ADAM28: variants seen among roughly 807,000 people sequenced by gnomAD.
ADAM28 encodes ADAM metallopeptidase domain 28.
Under a neutral mutation model 101.2 loss-of-function variants are expected in ADAM28, and 105 were observed. The ratio of observed to expected loss-of-function variants is 1.04; its 90% CI spans 0.89 to 1.22. The LOEUF (loss-of-function observed/expected upper bound fraction) is 1.22, where lower values mean the gene tolerates loss of function less well. Ranked by LOEUF, ADAM28 falls within the 50% of genes most tolerant of loss-of-function variation. ADAM28 has a pLI of 0.00. For missense variants in ADAM28, 1,028 were observed against 945.4 expected (o/e 1.09, Z -1.15); for synonymous variants, 322 against 310.6 (o/e 1.04, Z -0.39).
chr8:24,339,928 T>C (rs1170432372), intron 15 of ADAM28, among the ~76,000 whole-genome samples: 3 of 152,138 alleles, frequency 2.0e-5, no homozygotes, highest in Admixed American at 2.0e-4. Context: ...CAATCTCATG[T>C]TTTTCCTTGT....
At chr8:24,347,432 C>G (rs1815534752) in intron 18 of ADAM28, among the ~76,000 whole-genome samples, 1 of 151,720 alleles carries the variant, frequency 6.6e-6, no homozygotes, top group African/African-American at 2.4e-5. Flanking sequence ...CATTTATATT[C>G]TCCGGAAGAA....
intron 14 of ADAM28, among the ~76,000 whole-genome samples, chr8:24,338,058 A>G (rs537892267): frequency 3.9e-5 from 6 of 152,218 alleles, no homozygotes; most frequent in Non-Finnish European, 7.3e-5. Flanking sequence ...TAAATACACA[A>G]GTTAGCATCA....
At chr8:24,307,829 A>C (rs1194051454) in intron 2 of ADAM28, among the ~76,000 whole-genome samples, 1 of 152,186 alleles carries the variant, frequency 6.6e-6, no homozygotes, top group Non-Finnish European at 1.5e-5. Flanking sequence ...ATCTTACAGC[A>C]CAATTCCTCC....
rs780043786 is a variant in ADAM28 at position 24,331,236 on chromosome 8, A to C, written c.1190A>C (p.Asn397Thr). 2.0e-5 allele frequency: 33 copies of C among 1,613,344 alleles called. No homozygotes were observed. Among genetic ancestry groups the C allele is most frequent in the Non-Finnish European group, 8.5e-7 (1 of 1,179,644 alleles). The change falls in exon 12 of 23, where the codon AAT becomes ACT. Residue 397 changes from asparagine to threonine, a missense_variant. Transcript: ENST00000265769. ...GATAAATTATCAAATTGCCTCTTTAATGCTCCATTGCCTACAGATATCATA... is the reference window on the plus strand; with the variant it reads ...GATAAATTATCAAATTGCCTCTTTACTGCTCCATTGCCTACAGATATCATA... ...FEDKLSNCLF[N>T]APLPTDIIST...
intron 2 of ADAM28, among the ~76,000 whole-genome samples, chr8:24,306,351 AATAAATAAATAAAT>A (rs1468220232): frequency 1.9e-5 from 2 of 106,556 alleles, no homozygotes; most frequent in African/African-American, 9.3e-5. Flanking sequence ...CTCAAATACA[AATAAATAAATAAAT>A]ATATATATAT....
rs752252651 is a variant in ADAM28, at chr8:24,341,639, A to T, written c.1712A>T (p.Asp571Val). 87 of 1,613,764 alleles carry T rather than the reference A, an allele frequency of 5.4e-5. No individual in the cohort carries two copies. Among genetic ancestry groups the T allele is most frequent in the Admixed American group, 8.3e-5 (5 of 59,988 alleles). Residue 571 changes from aspartate to valine, a missense_variant, in exon 16 of 23, where the codon GAT (aspartate) becomes GTT (valine). Transcript: ENST00000265769. ...CGKLFCQGGSDNLPWKGRIVT... is the reference protein window; with the variant it reads ...CGKLFCQGGSVNLPWKGRIVT... The stretch of plus-strand genomic sequence containing the variant: ...AAGTTGTTCTGTCAAGGTGGGTCGG[A>T]TAATTTGCCCTGGAAAGGACGGATA...
chr8:24,298,031 A>G (rs554970866), intron 1 of ADAM28, among the ~76,000 whole-genome samples: 1 of 152,306 alleles, frequency 6.6e-6, no homozygotes, highest in African/African-American at 2.4e-5. Context: ...TTATTTTATC[A>G]CATTGGATCA....
At chr8:24,326,786 C>T in intron 10 of ADAM28, 151 bp downstream of exon 10, 1 of 662,828 alleles carries the variant, frequency 1.5e-6, no homozygotes, top group East Asian at 2.9e-5. Context: ...ACTAATTTTG[C>T]ATTCCAGTGT....
intron 4 of ADAM28, chr8:24,310,445 A>G: frequency 2.1e-6 from 1 of 483,320 alleles, no homozygotes. Flanking sequence ...AACTCCGGTA[A>G]GTTTTTCCAG....
intron 14 of ADAM28, 149 bp from the exon 15 acceptor site, chr8:24,339,317 G>T: frequency 1.6e-6 from 1 of 615,682 alleles, no homozygotes; most frequent in Non-Finnish European, 2.8e-6. Flanking sequence ...AGTGGTCAAT[G>T]GAATTATGCT....
intron 14 of ADAM28, among the ~76,000 whole-genome samples, chr8:24,336,580 CAAA>C (rs769016133): frequency 1.6e-5 from 1 of 61,636 alleles, no homozygotes; most frequent in Non-Finnish European, 3.1e-5. Context: ...ACTCCGTCTC[CAAA>C]AAAAAAAAAA....
Position 24,331,181 on chromosome 8 carries a change from A to G in ADAM28, c.1135A>G (p.Ser379Gly). ...TATACCCACAGACTTCAGTTCCTGCAGCCGTCTCAGCTATGACAAGTTTTT... is the reference window on the plus strand; with the variant it reads ...TATACCCACAGACTTCAGTTCCTGCGGCCGTCTCAGCTATGACAAGTTTTT... Reference protein sequence around the residue: ...FYIPTDFSSCSRLSYDKFFED... With the variant: ...FYIPTDFSSCGRLSYDKFFED... The change falls in exon 12 of 23, where the codon AGC (serine) becomes GGC (glycine). Residue 379 changes from serine (S) to glycine (G), a missense_variant. Physicochemically the swap from Ser to Gly is moderately conservative, Grantham distance 56 (BLOSUM62 0). Coordinates refer to ENST00000265769, the MANE Select transcript of ADAM28 (RefSeq NM_014265.6). 2 of 1,613,108 alleles carry G rather than the reference A, an allele frequency of 1.2e-6. No individual in the cohort carries two copies. Among genetic ancestry groups the G allele is most frequent in the Non-Finnish European group, 1.7e-6 (2 of 1,179,474 alleles).
chr8:24,294,269 T>C, intron 1 of ADAM28, 74 bp downstream of exon 1: 1 of 1,498,172 alleles, frequency 6.7e-7, no homozygotes, highest in Non-Finnish European at 9.3e-7. Flanking sequence ...ATAGTTTTAT[T>C]GTATAAACTA....
intron 20 of ADAM28, 90 bp downstream of exon 20, chr8:24,351,400 C>A: frequency 7.5e-7 from 1 of 1,337,902 alleles, no homozygotes; most frequent in Non-Finnish European, 1.1e-6. Flanking sequence ...ATCATTTCTA[C>A]CCAGCAGCGT....
At chr8:24,325,871 C>CAAAAAAAAAAAAAAAAAAAAAAAAA (rs5890146) in intron 9 of ADAM28, among the ~76,000 whole-genome samples, 1 of 20,416 alleles carries the variant, frequency 4.9e-5, no homozygotes, top group Non-Finnish European at 8.1e-5. Context: ...GTACAGATAG[C>CAAAAAAAAAAAAAAAAAAAAAAAAA]AAAAAAAAAA....
chr8:24,321,889 T>A (rs1342541985), intron 8 of ADAM28, among the ~76,000 whole-genome samples: 1 of 151,998 alleles, frequency 6.6e-6, no homozygotes, highest in Non-Finnish European at 1.5e-5. Context: ...TTCCAAAATA[T>A]TTAAAAAATG....
At chr8:24,340,395 G>A (rs1814618443) in intron 15 of ADAM28, among the ~76,000 whole-genome samples, 1 of 152,002 alleles carries the variant, frequency 6.6e-6, no homozygotes. Context: ...TGGTCTTGTG[G>A]TCTCTTCTTT....
intron 16 of ADAM28, 75 bp from the exon 17 acceptor site, chr8:24,343,026 C>T (rs1814973951): frequency 6.2e-7 from 1 of 1,603,188 alleles, no homozygotes; most frequent in Admixed American, 1.7e-5. Context: ...ATCTGCTAGC[C>T]TCTTCACACA....
At chr8:24,309,851 A>C (rs772621497) in intron 2 of ADAM28, 43 bp from the exon 3 acceptor site, 4 of 1,356,114 alleles carry the variant, frequency 2.9e-6, no homozygotes. Context: ...TAGTCAAATG[A>C]ATATGTTTTT....
Sources: gnomAD v4.1 joint callset for allele counts (sites outside exome capture counted in the v4.1 genomes callset) on GRCh38, gnomAD v4.1.1 for gene constraint, MANE v1.5 for transcripts, NCBI Gene and HGNC (gene_info 2026-07-23, HGNC 2026-07-21) for gene names.